Variants in FAT4 observed in about 807,000 individuals in gnomAD.
FAT4 encodes FAT atypical cadherin 4.
Under a neutral mutation model 303.9 loss-of-function variants are expected in FAT4, and 84 were observed. The observed-to-expected ratio is 0.28, with a 90% CI of 0.23 to 0.33. FAT4 has a LOEUF of 0.33. Among genes scored for constraint, FAT4 ranks in the 10% least tolerant of loss-of-function variants. The pLI is 1.00. For missense variants in FAT4, 6,005 were observed against 6,146.8 expected, an observed-to-expected ratio of 0.98 and a Z score of 0.77; for synonymous variants, 2,307 against 2,298.8, an observed-to-expected ratio of 1.00 and a Z score of -0.10.
At chr4:125,334,503 C>G (rs1731500303) in intron 2 of FAT4, among the ~76,000 whole-genome samples, 1 of 152,098 alleles carries the variant, frequency 6.6e-6, no homozygotes, top group African/African-American at 2.4e-5. Flanking sequence ...TGGCATTTAA[C>G]CTTTTAGGGA....
chr4:125,437,125 G>A (rs1212080820), intron 8 of FAT4, among the ~76,000 whole-genome samples: 1 of 151,950 alleles, frequency 6.6e-6, no homozygotes, highest in East Asian at 2.0e-4. Flanking sequence ...AAAGTGCTGG[G>A]ATTACAGGCA....
rs765645389 is a variant in FAT4, at chr4:125,321,478, A to G, written c.5067A>G (p.Ile1689Met). The G allele has an allele frequency of 3.1e-6, 5 of 1,614,158 alleles. No individual in the cohort carries two copies. The highest frequency in any genetic ancestry group is 4.2e-6 in the Non-Finnish European group (5 of 1,179,996). Residue 1689 changes from isoleucine (I) to methionine (M), a missense_variant, in exon 2 of 18, where the codon ATA (isoleucine) becomes ATG (methionine). Ile to Met is a conservative substitution (Grantham distance 10). Transcript: ENST00000394329. ...RLFTIGRHTG[I>M]IQTAAILDRE... is the part of the protein sequence containing the mutation. ...TTACTATTGGACGACATACTGGTATAATTCAGACCGCAGCCATTCTGGACC... is the reference window on the plus strand; with the variant it reads ...TTACTATTGGACGACATACTGGTATGATTCAGACCGCAGCCATTCTGGACC...
chr4:125,460,399 C>T (rs1001220586), intron 10 of FAT4, among the ~76,000 whole-genome samples: 4 of 151,886 alleles, frequency 2.6e-5, no homozygotes, highest in East Asian at 1.9e-4. Context: ...AAGCCCAATA[C>T]CAAATAGTGA....
chr4:125,479,859 GA>G lies in FAT4; in HGVS notation c.12603del (p.Lys4201AsnfsTer11). The G allele has an allele frequency of 1.3e-6, 2 of 1,583,398 alleles. No individual in the cohort carries two copies. The highest frequency in any genetic ancestry group is 2.3e-5 in the South Asian group (2 of 85,974). On this transcript the variant is annotated frameshift_variant, in exon 15 of 18. Coordinates refer to ENST00000394329, the MANE Select transcript of FAT4 (RefSeq NM_001291303.3). LOFTEE classifies it high-confidence loss of function. Reference sequence around the variant, plus strand: ...AGAGGGACTCACTGGGAAATACTGTGAAAAATGTATGTAAGGTCTTCCGTCT... The same window carrying G: ...AGAGGGACTCACTGGGAAATACTGTGAAAATGTATGTAAGGTCTTCCGTCT... ...CKEGLTGKYC[E>X]KSVTPDTALS...
intron 7 of FAT4, among the ~76,000 whole-genome samples, chr4:125,431,982 T>C (rs1034075590): frequency 1.3e-5 from 2 of 152,176 alleles, no homozygotes; most frequent in African/African-American, 2.4e-5. Context: ...TACTCAACAA[T>C]ACACTCCAAA....
intron 2 of FAT4, among the ~76,000 whole-genome samples, chr4:125,332,762 T>C (rs539001039): frequency 6.6e-6 from 1 of 152,136 alleles, no homozygotes. Flanking sequence ...AAGGGAAAAC[T>C]ATCTATCTTT....
At chr4:125,360,860 A>T (rs1732626194) in intron 2 of FAT4, among the ~76,000 whole-genome samples, 1 of 150,286 alleles carries the variant, frequency 6.7e-6, no homozygotes, top group Admixed American at 6.6e-5. Context: ...AATTTCACAA[A>T]TTCTGGGATA....
intron 2 of FAT4, among the ~76,000 whole-genome samples, chr4:125,350,575 G>C (rs565551283): frequency 1.1e-4 from 17 of 151,660 alleles, no homozygotes; most frequent in Non-Finnish European, 1.6e-4. Flanking sequence ...GGTAGATTTT[G>C]CTTTTGTTTA....
At chr4:125,402,275 C>T (rs1734416054) in intron 3 of FAT4, among the ~76,000 whole-genome samples, 1 of 151,776 alleles carries the variant, frequency 6.6e-6, no homozygotes, top group Non-Finnish European at 1.5e-5. Context: ...TGTTTCTTTT[C>T]TTTACCTTAA....
chr4:125,352,272 T>G (rs1402278962), intron 2 of FAT4, among the ~76,000 whole-genome samples: 1 of 151,626 alleles, frequency 6.6e-6, no homozygotes, highest in African/African-American at 2.4e-5. Context: ...GCTGTGATTT[T>G]CAAACTAGAG....
Position 125,491,232 on chromosome 4 carries a change from A to G in FAT4, c.14416A>G (p.Ser4806Gly). 3.7e-6 allele frequency: 6 copies of G among 1,614,088 alleles called. No individual in the cohort carries two copies. The highest frequency in any genetic ancestry group is 5.1e-6 in the Non-Finnish European group (6 of 1,180,002). Residue 4806 changes from serine to glycine, a missense_variant, in exon 18 of 18, where the codon AGT becomes GGT. Physicochemically the swap from Ser to Gly is moderately conservative, Grantham distance 56. Coordinates refer to ENST00000394329, the MANE Select transcript of FAT4 (RefSeq NM_001291303.3). ...RLNTPRPRNP[S>G]ICSADHGRSS... ...CAACACACCTCGCCCTAGAAACCCA[A>G]GTATCTGCAGTGCAGACCATGGGAG...
In FAT4 at chr4:125,448,957, T is replaced by G. The variant is rs375259992; in HGVS notation, c.7947T>G (p.Pro2649=). Reference sequence around the variant, plus strand: ...TAGAGGCCAGAGACGGTGGTTTCCCTCCTTTCTCCTCTTACGAGAAACTTG... The same window carrying G: ...TAGAGGCCAGAGACGGTGGTTTCCCGCCTTTCTCCTCTTACGAGAAACTTG... ...VWIEARDGGF[P]PFSSYEKLDI... Residue 2649 remains proline (P), a synonymous_variant, in exon 10 of 18, where the codon CCT becomes CCG. Coordinates refer to ENST00000394329, the MANE Select transcript of FAT4 (RefSeq NM_001291303.3). 1.9e-5 allele frequency: 31 copies of G among 1,613,706 alleles called. No individual in the cohort carries two copies. The African/African-American group carries it at 4.0e-4, about 21-fold the overall frequency.
At position 125,477,325 on chromosome 4, in the gene FAT4, T is replaced by C. The variant is rs1021875893; in HGVS notation, c.12470T>C (p.Ile4157Thr). 6.4e-7 allele frequency: 1 copy of C among 1,566,294 alleles called. No individual in the cohort carries two copies. The highest frequency in any genetic ancestry group is 2.3e-5 in the East Asian group (1 of 42,728). Residue 4157 changes from isoleucine to threonine, a missense_variant, in exon 14 of 18, where the codon ATC becomes ACC. Ile to Thr is a moderately conservative substitution (Grantham distance 89). Coordinates refer to ENST00000394329, the MANE Select transcript of FAT4 (RefSeq NM_001291303.3). Reference protein sequence around the residue: ...EPSQALAAQGILDQCPRLEGA... With the variant: ...EPSQALAAQGTLDQCPRLEGA... ...AGCCAAGCTTTGGCAGCACAAGGCA[T>C]CCTAGATCAGTATGGCGATTTTATT...
chr4:125,441,331 A>G (rs1184866677), intron 8 of FAT4, among the ~76,000 whole-genome samples: 1 of 152,208 alleles, frequency 6.6e-6, no homozygotes, highest in Admixed American at 6.5e-5. Flanking sequence ...ATGGAGAAAT[A>G]AAGGAATGAA....
chr4:125,369,994 A>G (rs558525859), intron 2 of FAT4, among the ~76,000 whole-genome samples: 1 of 152,110 alleles, frequency 6.6e-6, no homozygotes, highest in Admixed American at 6.5e-5. Context: ...TTGTATGTAT[A>G]TACTACATTT....
intron 14 of FAT4, 28 bp downstream of exon 14, chr4:125,477,362 T>C: frequency 6.6e-7 from 1 of 1,512,902 alleles, no homozygotes; most frequent in Non-Finnish European, 8.9e-7. Context: ...CTTACTGTTT[T>C]AAAGAAAAAA....
At position 125,434,465 on chromosome 4, in the gene FAT4, A is replaced by G. The variant is rs200861244; in HGVS notation, c.7199+40A>G. On this transcript the variant is annotated intron_variant, in intron 8 of 17. Transcript: ENST00000394329. Reference sequence around the variant, plus strand: ...CTTTGTAAAGTTTGTCTGTTTTCTCATTAAACATTAGTTTTTGAACTACAT... The same window carrying G: ...CTTTGTAAAGTTTGTCTGTTTTCTCGTTAAACATTAGTTTTTGAACTACAT... 5.7e-6 allele frequency: 9 copies of G among 1,571,694 alleles called. No individual in the cohort carries two copies. In the African/African-American group the frequency reaches 8.1e-5, roughly 14 times the overall value.
At chr4:125,336,524 G>T (rs928810745) in intron 2 of FAT4, among the ~76,000 whole-genome samples, 9 of 151,930 alleles carry the variant, frequency 5.9e-5, no homozygotes, top group African/African-American at 2.2e-4. Flanking sequence ...TTCCAGAAGT[G>T]AGACTTCAGA....
chr4:125,322,759 A>AT (rs1298129729), intron 2 of FAT4, among the ~76,000 whole-genome samples: 2 of 150,592 alleles, frequency 1.3e-5, no homozygotes. Flanking sequence ...ATCCTCTGTG[A>AT]TTTTTTTTCA....
Sources: gnomAD v4.1 joint callset for allele counts (sites outside exome capture counted in the v4.1 genomes callset) on GRCh38, gnomAD v4.1.1 for gene constraint, MANE v1.5 for transcripts, NCBI Gene and HGNC (gene_info 2026-07-23, HGNC 2026-07-21) for gene names.